Variants in ATP2C2 observed in about 807,000 individuals in gnomAD.
ATP2C2 encodes the protein ATPase secretory pathway Ca2+ transporting 2.
In ATP2C2, 171 loss-of-function variants were observed where a neutral mutation model predicts 110.8. The ratio of observed to expected loss-of-function variants is 1.54; its 90% confidence interval spans 1.36 to 1.75. The LOEUF (loss-of-function observed/expected upper bound fraction) is 1.75. Ranked by LOEUF, ATP2C2 falls within the 40% of genes most tolerant of loss-of-function variation. ATP2C2 has a pLI of 0.00. For missense variants in ATP2C2, 1,963 were observed against 1,235.0 expected (o/e 1.59, Z -8.84); for synonymous variants, 804 against 508.4 (o/e 1.58, Z -7.82).
At chr16:84,443,449 G>A (rs951498658) in intron 15 of ATP2C2, among the ~76,000 whole-genome samples, 15 of 152,100 alleles carry the variant, frequency 9.9e-5, no homozygotes, top group Non-Finnish European at 1.6e-4. Flanking sequence ...CTCCATCAAG[G>A]TCAAGGGAAA....
chr16:84,432,465 C>G (rs1377709272), intron 11 of ATP2C2, among the ~76,000 whole-genome samples: 1 of 151,882 alleles, frequency 6.6e-6, no homozygotes, highest in Non-Finnish European at 1.5e-5. Context: ...GGATGTCCCC[C>G]TCCCTGTGTC....
chr16:84,454,431 G>C (rs1910598940), intron 20 of ATP2C2, among the ~76,000 whole-genome samples: 1 of 152,198 alleles, frequency 6.6e-6, no homozygotes, highest in African/African-American at 2.4e-5. Context: ...CCCTATGTGA[G>C]TTACTCCTCA....
intron 11 of ATP2C2, among the ~76,000 whole-genome samples, chr16:84,436,699 A>G (rs1908766735): frequency 6.6e-6 from 1 of 150,434 alleles, no homozygotes; most frequent in South Asian, 2.1e-4. Context: ...GGTGGGGAGG[A>G]TCCGGCCAAC....
chr16:84,387,109 G>A (rs1399635532), intron 1 of ATP2C2, among the ~76,000 whole-genome samples: 3 of 149,922 alleles, frequency 2.0e-5, no homozygotes, highest in Non-Finnish European at 4.4e-5. Flanking sequence ...CAAGCATGCC[G>A]CGCTCTGAGA....
At chr16:84,411,177 A>G (rs1310666018) in intron 6 of ATP2C2, among the ~76,000 whole-genome samples, 2 of 152,174 alleles carry the variant, frequency 1.3e-5, no homozygotes, top group African/African-American at 4.8e-5. Context: ...AAGCAGAGCC[A>G]TCAGAACATT....
intron 2 of ATP2C2, among the ~76,000 whole-genome samples, chr16:84,400,517 C>G (rs574472536): frequency 6.6e-6 from 1 of 151,910 alleles, no homozygotes; most frequent in Non-Finnish European, 1.5e-5. Flanking sequence ...TTAGTAGAGA[C>G]GGGGTTTCAC....
chr16:84,403,101 T>C (rs529555726), intron 2 of ATP2C2, among the ~76,000 whole-genome samples: 1 of 152,324 alleles, frequency 6.6e-6, no homozygotes, highest in South Asian at 2.1e-4. Context: ...TAATGGCCCT[T>C]TGACTTTCTG....
rs149129437 is a variant in ATP2C2, at chr16:84,395,566, C to G, written c.100-2933C>G. Among the ~76,000 whole-genome samples the G allele has an allele frequency of 3.0e-3, 456 of 149,926 alleles. 5 individuals are homozygous for G. Among genetic ancestry groups the G allele is most frequent in the Middle Eastern group, 0.01 (3 of 294 alleles). ...CTCCGCCTTCCAGGTTCAAGCAATT[C>G]TCCCTGACTCTGGCTCATTGCAACC... is the stretch of plus-strand genomic sequence containing the variant. On this transcript the variant is annotated intron_variant, in intron 1 of 26. Transcript: ENST00000262429.
At chr16:84,399,375 G>C (rs1597761409) in intron 2 of ATP2C2, among the ~76,000 whole-genome samples, 3 of 152,166 alleles carry the variant, frequency 2.0e-5, no homozygotes, top group East Asian at 3.8e-4. Flanking sequence ...TAGAAAATGA[G>C]CTAGATTTTC....
chr16:84,447,910 ATTATC>A (rs964812186), intron 16 of ATP2C2, among the ~76,000 whole-genome samples: 8 of 116,328 alleles, frequency 6.9e-5, no homozygotes, highest in East Asian at 5.0e-4. Context: ...TTAATATTAT[ATTATC>A]TTATAACAGT....
At chr16:84,427,791 T>A (rs1331569209) in intron 11 of ATP2C2, among the ~76,000 whole-genome samples, 2 of 151,846 alleles carry the variant, frequency 1.3e-5, no homozygotes, top group African/African-American at 4.8e-5. Flanking sequence ...GGGCCTGGGG[T>A]TGGGGAGTGT....
chr16:84,426,013 C>A, intron 11 of ATP2C2: 2 of 586,176 alleles, frequency 3.4e-6, no homozygotes, highest in Admixed American at 3.0e-5. Context: ...GCAAATGATC[C>A]AGGGTGTCCC....
intron 6 of ATP2C2, among the ~76,000 whole-genome samples, chr16:84,414,934 GC>G (rs1567707430): frequency 6.6e-6 from 1 of 152,148 alleles, no homozygotes; most frequent in Non-Finnish European, 1.5e-5. Flanking sequence ...GGTTGAAGGG[GC>G]CAGGTCGGAG....
In ATP2C2 at chr16:84,448,521, G is replaced by T. The variant is rs566196426; in HGVS notation, c.1504-12G>T. The T allele has an allele frequency of 4.6e-5, 74 of 1,602,266 alleles. No homozygotes were observed. The Admixed American group carries it at 9.6e-4, about 21-fold the overall frequency. On this transcript the variant is annotated splice_polypyrimidine_tract_variant and intron_variant, in intron 16 of 26. Transcript: ENST00000262429. ...CAGTGATAGTGGATTTCTTCCCTTT[G>T]TCTTTTCTAAGGATCAGGAAGACAT...
At chr16:84,461,135 C>T (rs1344600200) in intron 24 of ATP2C2, 2 of 330,090 alleles carry the variant, frequency 6.1e-6, no homozygotes, top group Non-Finnish European at 1.1e-5. Context: ...GCTAAATATC[C>T]TCCTGTGTTA....
chr16:84,375,552 AAAAAG>A lies in ATP2C2; in HGVS notation c.99+6842_99+6846del, dbSNP rs1306327148. ...CAAGACTCTGTCTCAAAAAAAAAAAAAAAAGAAAGAAAGAAAAATGTCAAACATAC... is the reference window on the plus strand; with the variant it reads ...CAAGACTCTGTCTCAAAAAAAAAAAAAAAGAAAGAAAAATGTCAAACATAC... On this transcript the variant is annotated intron_variant, in intron 1 of 26. Transcript: ENST00000262429. 9.9e-5 allele frequency among the ~76,000 whole-genome samples: 15 copies of A among 152,006 alleles called. No homozygotes were observed. In the East Asian group the frequency reaches 2.7e-3, roughly 27 times the overall value.
intron 11 of ATP2C2, among the ~76,000 whole-genome samples, chr16:84,429,968 T>A (rs951786111): frequency 2.0e-5 from 3 of 152,182 alleles, no homozygotes; most frequent in Admixed American, 6.5e-5. Context: ...CACATAGATA[T>A]CTTGCCTCTA....
intron 11 of ATP2C2, among the ~76,000 whole-genome samples, chr16:84,436,388 C>T (rs906263112): frequency 7.2e-5 from 11 of 152,122 alleles, no homozygotes; most frequent in African/African-American, 1.7e-4. Context: ...CTCGCCCTGG[C>T]CGATTTCACG....
chr16:84,413,389 A>G (rs569840479), intron 6 of ATP2C2, among the ~76,000 whole-genome samples: 2 of 152,282 alleles, frequency 1.3e-5, no homozygotes, highest in East Asian at 3.9e-4. Context: ...GAAGGACCAA[A>G]TAGGGACAAG....
Sources: gnomAD v4.1 joint callset for allele counts (sites outside exome capture counted in the v4.1 genomes callset) on GRCh38, gnomAD v4.1.1 for gene constraint, MANE v1.5 for transcripts, NCBI Gene and HGNC (gene_info 2026-07-23, HGNC 2026-07-21) for gene names.